CTNNA3: variants seen among roughly 807,000 people sequenced by gnomAD.
CTNNA3 encodes the protein catenin alpha-3.
A neutral mutation model predicts 95.7 loss-of-function variants in CTNNA3; 76 were observed. That is an observed-to-expected ratio of 0.79 (90% CI 0.66 to 0.96). CTNNA3 has a LOEUF of 0.96. Ranked by LOEUF, CTNNA3 falls within the 40% of genes least tolerant of loss-of-function variation. The pLI is 0.00. For missense variants in CTNNA3, 1,191 were observed against 1,089.8 expected (o/e 1.09, Z -1.31); for synonymous variants, 431 against 374.4 (o/e 1.15, Z -1.74).
chr10:67,096,319 C>G (rs1857990294), intron 7 of CTNNA3, among the ~76,000 whole-genome samples: 1 of 151,550 alleles, frequency 6.6e-6, no homozygotes, highest in Non-Finnish European at 1.5e-5. Context: ...ACAGAAGTGG[C>G]AAAGACGGTT....
intron 7 of CTNNA3, among the ~76,000 whole-genome samples, chr10:67,160,475 TC>T (rs1424072128): frequency 1.4e-5 from 2 of 143,116 alleles, no homozygotes; most frequent in African/African-American, 2.7e-5. Context: ...TCTTGCTCTG[TC>T]CCCCGGGCTG....
intron 5 of CTNNA3, among the ~76,000 whole-genome samples, chr10:67,473,744 T>C (rs1187448173): frequency 1.3e-5 from 2 of 152,136 alleles, no homozygotes; most frequent in Admixed American, 1.3e-4. Flanking sequence ...ATTTTAAAAA[T>C]GATATATTAT....
At chr10:67,436,912 T>A (rs895322166) in intron 5 of CTNNA3, among the ~76,000 whole-genome samples, 1 of 152,180 alleles carries the variant, frequency 6.6e-6, no homozygotes, top group Non-Finnish European at 1.5e-5. Flanking sequence ...GAAGACAGTA[T>A]GGAGATTTCT....
intron 10 of CTNNA3, among the ~76,000 whole-genome samples, chr10:66,574,386 A>G (rs755458961): frequency 6.6e-6 from 1 of 152,130 alleles, no homozygotes; most frequent in South Asian, 2.1e-4. Flanking sequence ...TGTTTTTGTA[A>G]AGAAATAAAA....
intron 3 of CTNNA3, among the ~76,000 whole-genome samples, chr10:67,580,531 G>C (rs1842349582): frequency 6.6e-6 from 1 of 151,726 alleles, no homozygotes; most frequent in East Asian, 1.9e-4. Flanking sequence ...GGATTGTCTT[G>C]GCGATGCGGG....
intron 5 of CTNNA3, among the ~76,000 whole-genome samples, chr10:67,496,485 T>C (rs1839028163): frequency 6.6e-6 from 1 of 152,186 alleles, no homozygotes; most frequent in African/African-American, 2.4e-5. Context: ...TGCATGATAA[T>C]TTTTCTTCCT....
In CTNNA3 at chr10:67,184,490, T is replaced by C. The variant is rs1289822255; in HGVS notation, c.844-3970A>G. Among the ~76,000 whole-genome samples, 11 of 152,238 alleles carry C rather than the reference T, an allele frequency of 7.2e-5. No homozygotes were observed. The East Asian group carries it at 1.7e-3, about 24-fold the overall frequency. On this transcript the variant is annotated intron_variant, in intron 6 of 17. Transcript: ENST00000433211. ...TTTTGACACTCATCAAGTAGAAAGTTGGCTCAACTTTAATATTTTAGTCAG... is the reference window on the plus strand; with the variant it reads ...TTTTGACACTCATCAAGTAGAAAGTCGGCTCAACTTTAATATTTTAGTCAG...
chr10:67,153,855 T>C (rs1861186670), intron 7 of CTNNA3, among the ~76,000 whole-genome samples: 1 of 152,132 alleles, frequency 6.6e-6, no homozygotes, highest in African/African-American at 2.4e-5. Flanking sequence ...GTACACTATT[T>C]AAAAATTATT....
chr10:66,045,387 T>C (rs2079808338), intron 15 of CTNNA3, among the ~76,000 whole-genome samples: 1 of 152,162 alleles, frequency 6.6e-6, no homozygotes. Context: ...CCTGAAAACT[T>C]ATTGTGAGAC....
chr10:67,302,754 AAC>A (rs1489301502), intron 5 of CTNNA3, among the ~76,000 whole-genome samples: 1 of 152,186 alleles, frequency 6.6e-6, no homozygotes, highest in African/African-American at 2.4e-5. Flanking sequence ...TACATGACAA[AAC>A]TAATTCCGGA....
rs192444692 is a variant in CTNNA3, at chr10:67,096,407, T to C, written c.1047+83910A>G. Among the ~76,000 whole-genome samples, 8 of 151,966 alleles carry C rather than the reference T, an allele frequency of 5.3e-5. 1 individual carries two copies. The highest frequency in any genetic ancestry group is 1.7e-4 in the African/African-American group (7 of 41,526). On this transcript the variant is annotated intron_variant, in intron 7 of 17. Coordinates refer to ENST00000433211, the MANE Select transcript of CTNNA3 (RefSeq NM_013266.4). ...TAATACCTAGGCCTTCTATTTTTCTTAGCTTTGGACTCTAATCTCAGCTAA... is the reference window on the plus strand; with the variant it reads ...TAATACCTAGGCCTTCTATTTTTCTCAGCTTTGGACTCTAATCTCAGCTAA...
At chr10:66,618,210 C>T (rs1279573769) in intron 10 of CTNNA3, among the ~76,000 whole-genome samples, 1 of 151,804 alleles carries the variant, frequency 6.6e-6, no homozygotes, top group Non-Finnish European at 1.5e-5. Flanking sequence ...GAAAAAACTA[C>T]TTTAAAGTTC....
At chr10:67,638,221 C>A (rs1304661506) in intron 2 of CTNNA3, among the ~76,000 whole-genome samples, 5 of 152,144 alleles carry the variant, frequency 3.3e-5, no homozygotes, top group Non-Finnish European at 5.9e-5. Context: ...ATCCTAGTCT[C>A]TGATAAGACA....
intron 5 of CTNNA3, among the ~76,000 whole-genome samples, chr10:67,281,762 A>T (rs997426610): frequency 7.2e-5 from 11 of 152,182 alleles, no homozygotes; most frequent in African/African-American, 2.7e-4. Context: ...TATGTAATCA[A>T]TTCACTTTAG....
chr10:67,284,013 G>A (rs1277978517), intron 5 of CTNNA3, among the ~76,000 whole-genome samples: 2 of 152,070 alleles, frequency 1.3e-5, no homozygotes, highest in East Asian at 1.9e-4. Context: ...TCTGCCTCAC[G>A]TTAGTGATTT....
At position 66,179,680 on chromosome 10, in the gene CTNNA3, A is replaced by AT. The variant is rs534126350; in HGVS notation, c.1885-76432dup. Among the ~76,000 whole-genome samples, 181 of 151,950 alleles carry AT rather than the reference A, an allele frequency of 1.2e-3. 2 individuals are homozygous for AT. The highest frequency in any genetic ancestry group is 0.011 in the Admixed American group (168 of 15,240). On this transcript the variant is annotated intron_variant, in intron 13 of 17. Transcript: ENST00000433211. Reference sequence around the variant, plus strand: ...AGGAAAGCTCTTCTAGGTTTTTGAGATTTTTTTTCCATTTTTCATTTAAAT... The same window carrying AT: ...AGGAAAGCTCTTCTAGGTTTTTGAGATTTTTTTTTCCATTTTTCATTTAAAT...
chr10:67,342,002 T>C (rs373401890), intron 5 of CTNNA3, among the ~76,000 whole-genome samples: 3 of 57,158 alleles, frequency 5.2e-5, no homozygotes, highest in East Asian at 1.5e-3. Flanking sequence ...TTTTTTTGCC[T>C]CAAACTCCAT....
chr10:66,564,521 T>C (rs1842647284), intron 10 of CTNNA3, among the ~76,000 whole-genome samples: 1 of 152,174 alleles, frequency 6.6e-6, no homozygotes. Context: ...GATTGCCCCA[T>C]TGCTTAACTA....
At chr10:67,502,422 G>C (rs1213358566) in intron 5 of CTNNA3, among the ~76,000 whole-genome samples, 1 of 152,198 alleles carries the variant, frequency 6.6e-6, no homozygotes. Flanking sequence ...GCTGGGAAGT[G>C]TCTCCCAGTC....
Sources: allele counts gnomAD v4.1 joint callset (sites outside exome capture counted in the v4.1 genomes callset), GRCh38; gene constraint gnomAD v4.1.1; transcripts MANE v1.5; gene names NCBI Gene and HGNC (gene_info 2026-07-23, HGNC 2026-07-21).